The following CD5L variants were observed in gnomAD, a reference collection of about 807,000 sequenced individuals.
CD5L encodes CD5 molecule like.
In CD5L, 39 loss-of-function variants were observed where a neutral mutation model predicts 40.8. The ratio of observed to expected loss-of-function variants is 0.96; its 90% CI spans 0.74 to 1.25. The LOEUF is 1.25. Ranked by LOEUF, CD5L falls within the 50% of genes most tolerant of loss-of-function variation. CD5L has a pLI of 0.00. For synonymous variants in CD5L, 192 were observed against 169.6 expected (o/e 1.13, Z -1.03); for missense variants, 433 against 435.9 (o/e 0.99, Z 0.06).
intron 2 of CD5L, among the ~76,000 whole-genome samples, chr1:157,837,832 G>A (rs905744586): frequency 6.9e-6 from 1 of 145,494 alleles, no homozygotes; most frequent in African/African-American, 2.6e-5. Flanking sequence ...CTGGAGTGCA[G>A]TGGCACGATT....
chr1:157,838,897 T>G (rs906761967), intron 2 of CD5L, among the ~76,000 whole-genome samples: 4 of 152,200 alleles, frequency 2.6e-5, no homozygotes, highest in African/African-American at 9.7e-5. Context: ...GGTTTATCAT[T>G]TGTGCATTAC....
At chr1:157,830,299 C>A (rs1310083587), downstream of CD5L, among the ~76,000 whole-genome samples, 2 of 152,226 alleles carry the variant, frequency 1.3e-5, no homozygotes, top group Non-Finnish European at 2.9e-5. Context: ...TCCTTAGGGA[C>A]TCTTTTCAGA....
chr1:157,827,268 ATG>A (rs4060881), downstream of CD5L, among the ~76,000 whole-genome samples: 8,257 of 143,378 alleles, frequency 0.058, 510 homozygotes, highest in African/African-American at 0.17. Context: ...CAAATGGTGT[ATG>A]TGTGTGTGTG....
chr1:157,832,485 A>C (rs147789193), intron 5 of CD5L, among the ~76,000 whole-genome samples: 8 of 152,304 alleles, frequency 5.3e-5, no homozygotes, highest in African/African-American at 1.7e-4. Flanking sequence ...GGGGCTTCAG[A>C]CGGGTGGCTT....
At chr1:157,829,666 G>A (rs764250595), downstream of CD5L, among the ~76,000 whole-genome samples, 2 of 152,036 alleles carry the variant, frequency 1.3e-5, no homozygotes, top group Admixed American at 1.3e-4. Context: ...ACTGGGTTTA[G>A]CTACTCAGCC....
In CD5L at chr1:157,834,610, G is replaced by A. The variant is rs375657860; in HGVS notation, c.515C>T (p.Ala172Val). The A allele has an allele frequency of 6.2e-7, 1 of 1,614,022 alleles. No individual in the cohort carries two copies. The highest frequency in any genetic ancestry group is 8.5e-7 in the Non-Finnish European group (1 of 1,180,032). ...TCCCAGCTGCCGGCACACCACCTTT[G>A]CGGCCCGGAGGCTCCAGCCTGTCTG... ...VCQTGWSLRAAKVVCRQLGCG... is the reference protein window; with the variant it reads ...VCQTGWSLRAVKVVCRQLGCG... The change falls in exon 4 of 6, where the codon GCA becomes GTA. Residue 172 changes from alanine (A) to valine (V), a missense_variant. Coordinates refer to ENST00000368174, the MANE Select transcript of CD5L (RefSeq NM_005894.3).
chr1:157,827,702 T>C (rs1655940893), downstream of CD5L, among the ~76,000 whole-genome samples: 1 of 152,076 alleles, frequency 6.6e-6, no homozygotes, highest in Non-Finnish European at 1.5e-5. Context: ...CAGACACACA[T>C]AGAAATAAGG....
At chr1:157,835,574 G>A (rs1476967879) in intron 3 of CD5L, among the ~76,000 whole-genome samples, 1 of 152,178 alleles carries the variant, frequency 6.6e-6, no homozygotes, top group Non-Finnish European at 1.5e-5. Context: ...GTGCATGTTG[G>A]CATGTGTGTA....
At chr1:157,836,675 T>A (rs771952203) in intron 2 of CD5L, among the ~76,000 whole-genome samples, 1 of 152,190 alleles carries the variant, frequency 6.6e-6, no homozygotes, top group Non-Finnish European at 1.5e-5. Flanking sequence ...GAAGTCAGAT[T>A]GAGGCAGAGT....
At position 157,833,383 on chromosome 1, in the gene CD5L, T is replaced by C; in HGVS notation, c.848A>G (p.Lys283Arg). ...GAGGGACTTCCCACAGCCCAGTTGC[T>C]TGCATACCACCTGGTCCTCCTTTTC... ...WGEKEDQVVC[K>R]QLGCGKSLSP... The change falls in exon 5 of 6, where the codon AAG becomes AGG. Residue 283 changes from lysine (K) to arginine (R), a missense_variant. By Grantham distance (26) the Lys-to-Arg change is conservative. Coordinates refer to ENST00000368174, the MANE Select transcript of CD5L (RefSeq NM_005894.3). 6.2e-7 allele frequency: 1 copy of C among 1,614,096 alleles called. No homozygotes were observed. Among genetic ancestry groups the C allele is most frequent in the South Asian group, 1.1e-5 (1 of 91,082 alleles).
At position 157,836,014 on chromosome 1, in the gene CD5L, C is replaced by T; in HGVS notation, c.197G>A (p.Gly66Asp). Residue 66 changes from glycine (G) to aspartate (D), a missense_variant, in exon 3 of 6, where the codon GGC becomes GAC. By Grantham distance (94) the Gly-to-Asp change is moderately conservative. Transcript: ENST00000368174. Reference sequence around the variant, plus strand: ...AGGGGTTCCGCTGGCAGCTCCACAGCCCAGCTCCCGGCACAACACAGCCAC... The same window carrying T: ...AGGGGTTCCGCTGGCAGCTCCACAGTCCAGCTCCCGGCACAACACAGCCAC... ...KDVAVLCREL[G>D]CGAASGTPSG... is the part of the protein sequence containing the mutation. 1 of 1,614,208 alleles carries T rather than the reference C, an allele frequency of 6.2e-7. No individual in the cohort carries two copies. The highest frequency in any genetic ancestry group is 1.7e-5 in the Admixed American group (1 of 60,024).
At chr1:157,832,101 C>G (rs1571448077) in intron 5 of CD5L, 133 bp from the exon 6 acceptor site, 2 of 635,016 alleles carry the variant, frequency 3.1e-6, no homozygotes, top group Admixed American at 3.3e-5. Context: ...TGTACAGATC[C>G]CACACTGATG....
chr1:157,827,512 G>T (rs1349276633), downstream of CD5L, among the ~76,000 whole-genome samples: 1 of 152,094 alleles, frequency 6.6e-6, no homozygotes, highest in African/African-American at 2.4e-5. Context: ...CCAGTCCAAG[G>T]GCAGAAGAAG....
intron 1 of CD5L, among the ~76,000 whole-genome samples, chr1:157,841,033 TA>T (rs57098189): frequency 0.011 from 1,722 of 151,250 alleles, 29 homozygotes; most frequent in African/African-American, 0.036. Context: ...AGTTATCTTA[TA>T]AAAAAAAATA....
intron 1 of CD5L, among the ~76,000 whole-genome samples, chr1:157,840,101 C>CT (rs1383657582): frequency 6.6e-6 from 1 of 152,090 alleles, no homozygotes; most frequent in Non-Finnish European, 1.5e-5. Flanking sequence ...TTCTCTTTTG[C>CT]TTTTTTCCTA....
At chr1:157,827,299 T>C (rs1655926597), downstream of CD5L, among the ~76,000 whole-genome samples, 1 of 151,790 alleles carries the variant, frequency 6.6e-6, no homozygotes, top group African/African-American at 2.4e-5. Context: ...TGTGTGTGTG[T>C]GTGTGTGTGT....
Position 157,839,409 on chromosome 1 carries a change from G to A in CD5L, c.30C>T (p.Ala10=). ...CTAGGAATCCAGGTCTGGTGCAAAT[G>A]GCTGGGGAAGAAAGAAGGAAATGAG... MALLFSLIL[A]ICTRPGFLAS... Residue 10 remains alanine, a splice_region_variant and synonymous_variant, in exon 2 of 6, where the codon GCC becomes GCT. Transcript: ENST00000368174. 3 of 1,613,222 alleles carry A rather than the reference G, an allele frequency of 1.9e-6. No homozygotes were observed. Among genetic ancestry groups the A allele is most frequent in the Non-Finnish European group, 2.5e-6 (3 of 1,179,764 alleles).
chr1:157,828,026 C>A (rs978076532), downstream of CD5L, among the ~76,000 whole-genome samples: 2 of 152,180 alleles, frequency 1.3e-5, no homozygotes, highest in East Asian at 1.9e-4. Context: ...CTGCCTCAAC[C>A]ATTTCACAGT....
downstream of CD5L, among the ~76,000 whole-genome samples, chr1:157,830,475 G>T (rs1450986017): frequency 6.6e-6 from 1 of 152,056 alleles, no homozygotes; most frequent in Non-Finnish European, 1.5e-5. Context: ...GCCGAGTGGT[G>T]GGCTCTCTCC....
Sources: gnomAD v4.1 joint callset for allele counts (sites outside exome capture counted in the v4.1 genomes callset) on GRCh38, gnomAD v4.1.1 for gene constraint, MANE v1.5 for transcripts, NCBI Gene and HGNC (gene_info 2026-07-23, HGNC 2026-07-21) for gene names.